The following SCFD2 variants were observed in gnomAD, a reference collection of about 807,000 sequenced individuals.
The protein encoded by SCFD2 is sec1 family domain containing 2.
A neutral mutation model predicts 58.9 loss-of-function variants in SCFD2; 54 were observed. The ratio of observed to expected loss-of-function variants is 0.92; its 90% CI spans 0.74 to 1.15. The LOEUF (loss-of-function observed/expected upper bound fraction) is 1.15. Ranked by LOEUF, SCFD2 falls within the 50% of genes most tolerant of loss-of-function variation. The pLI is 0.00. For synonymous variants in SCFD2, 321 were observed against 335.9 expected (o/e 0.96, Z 0.49); for missense variants, 805 against 836.6 (o/e 0.96, Z 0.47).
At chr4:52,997,522 T>A (rs943757164) in intron 5 of SCFD2, among the ~76,000 whole-genome samples, 1 of 152,228 alleles carries the variant, frequency 6.6e-6, no homozygotes, top group Non-Finnish European at 1.5e-5. Context: ...ATGGGAGCTC[T>A]GGAGTGGATA....
At chr4:53,074,684 G>C (rs1173278359) in intron 5 of SCFD2, among the ~76,000 whole-genome samples, 5 of 152,184 alleles carry the variant, frequency 3.3e-5, no homozygotes, top group African/African-American at 1.2e-4. Context: ...CAGAGCTCTT[G>C]GGTTACTAGG....
chr4:53,059,693 T>C (rs1250628021), intron 5 of SCFD2, among the ~76,000 whole-genome samples: 1 of 152,082 alleles, frequency 6.6e-6, no homozygotes, highest in Non-Finnish European at 1.5e-5. Context: ...TCAAATACTT[T>C]AATTAGTGCA....
chr4:53,331,031 A>C (rs1733441007), intron 2 of SCFD2, among the ~76,000 whole-genome samples: 2 of 151,714 alleles, frequency 1.3e-5, no homozygotes, highest in South Asian at 4.2e-4. Flanking sequence ...GGATCAATTC[A>C]ACAAGAAGAG....
At chr4:52,879,588 C>T (rs1215231170) in intron 8 of SCFD2, among the ~76,000 whole-genome samples, 1 of 152,176 alleles carries the variant, frequency 6.6e-6, no homozygotes, top group African/African-American at 2.4e-5. Flanking sequence ...CAAGTCCCTC[C>T]AGCAGCCTTC....
At chr4:53,222,831 T>C (rs1437631779) in intron 4 of SCFD2, among the ~76,000 whole-genome samples, 1 of 152,242 alleles carries the variant, frequency 6.6e-6, no homozygotes, top group Non-Finnish European at 1.5e-5. Context: ...GTTACTGTTA[T>C]CTTTGAAAAG....
At chr4:53,300,623 C>T (rs1000838661) in intron 3 of SCFD2, among the ~76,000 whole-genome samples, 3 of 152,154 alleles carry the variant, frequency 2.0e-5, no homozygotes, top group African/African-American at 7.2e-5. Context: ...CAGAACTCTC[C>T]ACTCCAAATC....
intron 4 of SCFD2, among the ~76,000 whole-genome samples, chr4:53,224,657 A>T (rs1213034567): frequency 1.3e-5 from 2 of 152,216 alleles, no homozygotes; most frequent in African/African-American, 4.8e-5. Context: ...AGAATTGCTC[A>T]GCTCAGCTCT....
chr4:53,124,283 T>C (rs1420004808), intron 5 of SCFD2, among the ~76,000 whole-genome samples: 2 of 152,142 alleles, frequency 1.3e-5, no homozygotes, highest in East Asian at 3.8e-4. Flanking sequence ...TATAGGCAAA[T>C]TAATAGTGTC....
intron 8 of SCFD2, among the ~76,000 whole-genome samples, chr4:52,878,004 G>T (rs1718519295): frequency 6.6e-6 from 1 of 152,090 alleles, no homozygotes. Context: ...TCTTTGTCTG[G>T]GAGAGGAGCT....
At chr4:53,094,928 T>C (rs1174634644) in intron 5 of SCFD2, among the ~76,000 whole-genome samples, 1 of 152,142 alleles carries the variant, frequency 6.6e-6, no homozygotes, top group Non-Finnish European at 1.5e-5. Flanking sequence ...TGTCACAAAA[T>C]ACAATGGTCA....
chr4:52,984,722 A>G (rs1721450514), intron 5 of SCFD2, among the ~76,000 whole-genome samples: 1 of 152,180 alleles, frequency 6.6e-6, no homozygotes, highest in Non-Finnish European at 1.5e-5. Context: ...TTGTCATCCA[A>G]ATATAAGGGG....
chr4:53,339,492 C>T lies in SCFD2; in HGVS notation c.1007+13106G>A, dbSNP rs563704004. Among the ~76,000 whole-genome samples, 329 of 151,924 alleles carry T rather than the reference C, an allele frequency of 2.2e-3. 1 individual carries two copies. Among genetic ancestry groups the T allele is most frequent in the Non-Finnish European group, 3.0e-3 (204 of 67,934 alleles). On this transcript the variant is annotated intron_variant, in intron 2 of 8. Coordinates refer to ENST00000401642, the MANE Select transcript of SCFD2 (RefSeq NM_152540.4). ...TACATTTAAAAACACTGTTAGGGCTCGGAGTGGTGGCTCACGCCTGTAATC... is the reference window on the plus strand; with the variant it reads ...TACATTTAAAAACACTGTTAGGGCTTGGAGTGGTGGCTCACGCCTGTAATC...
chr4:53,083,220 AAAG>A (rs947926822), intron 5 of SCFD2, among the ~76,000 whole-genome samples: 3 of 152,204 alleles, frequency 2.0e-5, no homozygotes, highest in Admixed American at 6.5e-5. Flanking sequence ...TCACAGAAAG[AAAG>A]AAGAAGAACT....
chr4:53,275,055 C>A (rs902536487), intron 3 of SCFD2, among the ~76,000 whole-genome samples: 1 of 152,166 alleles, frequency 6.6e-6, no homozygotes, highest in Non-Finnish European at 1.5e-5. Context: ...TAGCAATTTA[C>A]ACAGTGCTTA....
At chr4:53,254,558 C>T (rs1229049295) in intron 4 of SCFD2, among the ~76,000 whole-genome samples, 2 of 150,520 alleles carry the variant, frequency 1.3e-5, no homozygotes, top group East Asian at 1.9e-4. Flanking sequence ...AGGCTGGTCT[C>T]GAACCCCTGA....
chr4:53,160,185 C>T (rs142804373), intron 4 of SCFD2, among the ~76,000 whole-genome samples: 151 of 152,282 alleles, frequency 9.9e-4, no homozygotes, highest in African/African-American at 3.5e-3. Flanking sequence ...GGTGGTGTAG[C>T]CGGCCCATTG....
At position 53,227,627 on chromosome 4, in the gene SCFD2, G is replaced by C. The variant is rs528077612; in HGVS notation, c.1311+46199C>G. Among the ~76,000 whole-genome samples the C allele has an allele frequency of 2.3e-4, 35 of 152,234 alleles. No homozygotes were observed. In the South Asian group the frequency reaches 6.6e-3, roughly 29 times the overall value. On this transcript the variant is annotated intron_variant, in intron 4 of 8. Coordinates refer to ENST00000401642, the MANE Select transcript of SCFD2 (RefSeq NM_152540.4). ...CCTTCACCTTTGGGGCTGAGCACTG[G>C]GAAGTCTAAACCCTTTATTCCAATA...
chr4:53,320,431 A>G (rs1187884958), intron 2 of SCFD2, among the ~76,000 whole-genome samples: 3 of 152,202 alleles, frequency 2.0e-5, no homozygotes, highest in African/African-American at 4.8e-5. Context: ...AGCCTGGTCA[A>G]TATGGTGAAA....
At chr4:52,951,663 G>A (rs1289004783) in intron 5 of SCFD2, among the ~76,000 whole-genome samples, 2 of 152,186 alleles carry the variant, frequency 1.3e-5, no homozygotes, top group African/African-American at 2.4e-5. Flanking sequence ...TCTGTAAGAA[G>A]TGATACTCCA....
Sources: gnomAD v4.1 joint callset for allele counts (sites outside exome capture counted in the v4.1 genomes callset) on GRCh38, gnomAD v4.1.1 for gene constraint, MANE v1.5 for transcripts, NCBI Gene and HGNC (gene_info 2026-07-23, HGNC 2026-07-21) for gene names.